Variants in ZNF219 observed in about 807,000 individuals in gnomAD.
ZNF219 encodes zinc finger protein 219.
A neutral mutation model predicts 54.4 loss-of-function variants in ZNF219; 17 were observed. That is an observed-to-expected ratio of 0.31 (90% CI 0.21 to 0.47). The LOEUF is 0.47. ZNF219 is among the 20% of genes least tolerant of loss of function. The pLI is 1.00. For missense variants in ZNF219, 1,014 were observed against 1,062.3 expected (o/e 0.95, Z 0.63); for synonymous variants, 518 against 476.4 (o/e 1.09, Z -1.14).
At chr14:21,103,239 C>T (rs893748439), upstream of ZNF219, 2 of 1,551,592 alleles carry the variant, frequency 1.3e-6, no homozygotes, top group Non-Finnish European at 8.7e-7. Context: ...CAGACACGTG[C>T]TGCTCTCCTT....
At chr14:21,094,752 A>G (rs905368558) in intron 1 of ZNF219, among the ~76,000 whole-genome samples, 2 of 117,154 alleles carry the variant, frequency 1.7e-5, no homozygotes, top group Non-Finnish European at 3.4e-5. Flanking sequence ...TGCTGATCCT[A>G]AGCTGCAGAG....
chr14:21,103,203 C>G, upstream of ZNF219: 1 of 1,551,660 alleles, frequency 6.4e-7, no homozygotes, highest in Non-Finnish European at 8.7e-7. Context: ...AGCACAGGAG[C>G]AAATGAGAGG....
intron 1 of ZNF219, among the ~76,000 whole-genome samples, chr14:21,098,016 C>T (rs1003104393): frequency 3.0e-4 from 46 of 151,322 alleles, no homozygotes; most frequent in Non-Finnish European, 5.5e-4. Flanking sequence ...CACATCCCCC[C>T]CGTTGGCCCT....
upstream of ZNF219, chr14:21,102,803 C>T: frequency 3.2e-6 from 5 of 1,543,294 alleles, no homozygotes; most frequent in East Asian, 2.4e-5. Context: ...GAAGAAAGCA[C>T]GAATAGCTAG....
At chr14:21,101,553 C>G, upstream of ZNF219, 1 of 1,109,482 alleles carries the variant, frequency 9.0e-7, no homozygotes, top group Non-Finnish European at 1.3e-6. Flanking sequence ...CTACCATGTG[C>G]CAGAAACTGA....
rs764079915 is a variant in ZNF219 at position 21,092,599 on chromosome 14, T to A, written c.698A>T (p.Gln233Leu). The change falls in exon 3 of 5, where the codon CAG (glutamine) becomes CTG (leucine). Residue 233 changes from glutamine to leucine, a missense_variant. Physicochemically the swap from Gln to Leu is moderately radical, Grantham distance 113. This residue lies in a region of ZNF219 where 395 missense variants were observed against 415.1 expected (regional missense o/e 0.95). Coordinates refer to ENST00000360947, the MANE Select transcript of ZNF219 (RefSeq NM_016423.3). ...TCTGGGTTCGGGCTGGGGTGGAGGC[T>A]GAGGCTGAGGCTGAGGCGGAGGCGC... ...SAAPPPQPQP[Q>L]PPPQPEPRSV... is the part of the protein sequence containing the mutation. The A allele has an allele frequency of 1.0e-6, 1 of 991,084 alleles. No homozygotes were observed. Among genetic ancestry groups the A allele is most frequent in the East Asian group, 3.2e-5 (1 of 31,660 alleles). The allele number at this position is 991,084 out of a possible 1,614,324, so 61.4% of individuals were successfully genotyped here.
At chr14:21,102,196 A>G (rs1889685220), upstream of ZNF219, 64 of 1,480,854 alleles carry the variant, frequency 4.3e-5, no homozygotes, top group South Asian at 8.1e-4. Flanking sequence ...CTAGGAAGTA[A>G]GTGGCTAAGT....
chr14:21,098,789 C>T (rs1328849426), upstream of ZNF219: 2 of 1,283,906 alleles, frequency 1.6e-6, no homozygotes, highest in Admixed American at 4.7e-5. Flanking sequence ...CACTGCCCCT[C>T]CCTCCCTAAA....
Position 21,092,096 on chromosome 14 carries a change from C to G in ZNF219, c.1201G>C (p.Gly401Arg), listed in dbSNP as rs750024719. 1.3e-5 allele frequency: 20 copies of G among 1,533,450 alleles called. No homozygotes were observed. Among genetic ancestry groups the G allele is most frequent in the Non-Finnish European group, 1.7e-5 (19 of 1,140,886 alleles). 95.0% of individuals were successfully genotyped at this position (1,533,450 alleles called of 1,614,324 possible). The change falls in exon 3 of 5, where the codon GGC (glycine) becomes CGC (arginine). Residue 401 changes from glycine to arginine, a missense_variant. Coordinates refer to ENST00000360947, the MANE Select transcript of ZNF219 (RefSeq NM_016423.3). ...GGGCGGAAGCCTCCGAAGCTGCGGC[C>G]GGGACCGGGCTCAGCACCCTCGCCG... Reference protein sequence around the residue: ...PNGEGAEPGPGRSFGGFRPLS... With the variant: ...PNGEGAEPGPRRSFGGFRPLS...
At position 21,093,121 on chromosome 14, in the gene ZNF219, C is replaced by T; in HGVS notation, c.176G>A (p.Cys59Tyr). Residue 59 changes from cysteine to tyrosine, a missense_variant, in exon 3 of 5, where the codon TGC becomes TAC. This residue lies in a region of ZNF219 where 395 missense variants were observed against 415.1 expected (regional missense o/e 0.95). Coordinates refer to ENST00000360947, the MANE Select transcript of ZNF219 (RefSeq NM_016423.3). ...GCGGAAGCGCTTCCCGCATACAGGGCAGGGGAAGCGCCGTTCGCCTGCACG... is the reference window on the plus strand; with the variant it reads ...GCGGAAGCGCTTCCCGCATACAGGGTAGGGGAAGCGCCGTTCGCCTGCACG... ...ESRAGERRFP[C>Y]PVCGKRFRFN... The T allele has an allele frequency of 1.9e-6, 3 of 1,610,068 alleles. No individual in the cohort carries two copies. The highest frequency in any genetic ancestry group is 2.5e-6 in the Non-Finnish European group (3 of 1,179,142).
intron 1 of ZNF219, chr14:21,094,273 G>C (rs1446683260): frequency 2.3e-6 from 1 of 432,164 alleles, no homozygotes; most frequent in Admixed American, 2.4e-5. Context: ...ACAGACAGAG[G>C]GGGAGGGGCA....
At chr14:21,102,704 C>T (rs542464934), upstream of ZNF219, 52 of 1,551,576 alleles carry the variant, frequency 3.4e-5, no homozygotes, top group African/African-American at 3.8e-4. Context: ...TCTCAGTGCA[C>T]GCCCTATTCT....
upstream of ZNF219, chr14:21,103,142 T>C (rs943797682): frequency 1.3e-6 from 2 of 1,551,724 alleles, no homozygotes; most frequent in African/African-American, 1.4e-5. Flanking sequence ...TTTTCAGGGC[T>C]TCTCTGAGTT....
At chr14:21,102,666 G>A, upstream of ZNF219, 1 of 1,551,558 alleles carries the variant, frequency 6.4e-7, no homozygotes, top group Non-Finnish European at 8.7e-7. Flanking sequence ...ACTCAGTGCT[G>A]AGGCCTTCAC....
upstream of ZNF219, chr14:21,102,183 A>C: frequency 1.3e-6 from 2 of 1,498,442 alleles, no homozygotes; most frequent in Non-Finnish European, 1.8e-6. Flanking sequence ...TACAACCCTC[A>C]GCCTAGGAAG....
chr14:21,099,946 G>A (rs1889531276), upstream of ZNF219, among the ~76,000 whole-genome samples: 1 of 152,090 alleles, frequency 6.6e-6, no homozygotes, highest in African/African-American at 2.4e-5. Context: ...CAGACTTATC[G>A]GTGTGACCTC....
In ZNF219 at chr14:21,090,836, C is replaced by G; in HGVS notation, c.1869G>C (p.Glu623Asp). The change falls in exon 5 of 5, where the codon GAG becomes GAC. Residue 623 changes from glutamate to aspartate, a missense_variant. Around this residue, in one of 5 missense-constraint regions of ZNF219, gnomAD observed 281 missense variants for 271.2 expected, o/e 1.04. Coordinates refer to ENST00000360947, the MANE Select transcript of ZNF219 (RefSeq NM_016423.3). This position sits in a 1 kb window ranked among gnomAD's most constrained non-coding sequence, Gnocchi z 4.4. ...GRTLRNGRGG[E>D]AEPLDLSLRA... is the part of the protein sequence containing the mutation. ...GCAAGGACAGGTCCAGGGGTTCGGC[C>G]TCACCGCCTCGCCCGTTGCGCAGGG... 1 of 1,557,080 alleles carries G rather than the reference C, an allele frequency of 6.4e-7. No homozygotes were observed. The highest frequency in any genetic ancestry group is 8.7e-7 in the Non-Finnish European group (1 of 1,151,152).
chr14:21,092,602 GGCT>G lies in ZNF219; in HGVS notation c.692_694del (p.Gln231del), dbSNP rs1889006131. ...GGGTTCGGGCTGGGGTGGAGGCTGA[GGCT>G]GAGGCTGAGGCGGAGGCGCAGCGGA... On this transcript the variant is annotated inframe_deletion, in exon 3 of 5. Transcript: ENST00000360947. The G allele has an allele frequency of 6.5e-7, 1 of 1,547,264 alleles. No homozygotes were observed. Among genetic ancestry groups the G allele is most frequent in the Non-Finnish European group, 8.7e-7 (1 of 1,147,476 alleles).
At chr14:21,091,830 G>C (rs747275734) in intron 3 of ZNF219, 35 bp downstream of exon 3, 25 of 1,490,588 alleles carry the variant, frequency 1.7e-5, no homozygotes, top group Non-Finnish European at 2.2e-5. Flanking sequence ...AGAGGAGGAC[G>C]CGGCGTACCC....
Sources: gnomAD v4.1 joint callset for allele counts (sites outside exome capture counted in the v4.1 genomes callset) on GRCh38, gnomAD v4.1.1 for gene constraint, gnomAD v4.1.1 regional missense constraint, Gnocchi (gnomAD v3.1) non-coding constraint, MANE v1.5 for transcripts, NCBI Gene and HGNC (gene_info 2026-07-23, HGNC 2026-07-21) for gene names.